Variants in MIPOL1 observed in about 807,000 individuals in gnomAD.
MIPOL1 encodes the protein mirror-image polydactyly 1.
In MIPOL1, 57 loss-of-function variants were observed where a neutral mutation model predicts 60.9. That is an observed-to-expected ratio of 0.94 (90% CI 0.76 to 1.17). The LOEUF is 1.17. MIPOL1 is among the 50% of genes most tolerant of loss of function. The pLI, the probability that MIPOL1 is intolerant of heterozygous loss-of-function variation, is 0.00. For missense variants in MIPOL1, 551 were observed against 511.6 expected, an observed-to-expected ratio of 1.08 and a Z score of -0.74; for synonymous variants, 179 against 168.8, an observed-to-expected ratio of 1.06 and a Z score of -0.47.
At chr14:37,309,854 T>A (rs1209643565) in intron 9 of MIPOL1, among the ~76,000 whole-genome samples, 1 of 152,006 alleles carries the variant, frequency 6.6e-6, no homozygotes, top group Non-Finnish European at 1.5e-5. Context: ...GCCCAGCTAA[T>A]TTTTTGGTAT....
At chr14:37,503,224 G>A (rs1326114827) in intron 12 of MIPOL1, 1 of 152,156 alleles carries the variant, frequency 6.6e-6, no homozygotes, top group African/African-American at 2.4e-5. Context: ...CCCCCACCTA[G>A]CAAGGCAGGC....
chr14:37,336,367 T>C (rs2090119391), intron 9 of MIPOL1, among the ~76,000 whole-genome samples: 1 of 149,404 alleles, frequency 6.7e-6, no homozygotes, highest in South Asian at 2.1e-4. Context: ...ATCATTCTCT[T>C]TTATTATTAT....
intron 10 of MIPOL1, among the ~76,000 whole-genome samples, chr14:37,395,878 C>T (rs761294006): frequency 2.6e-5 from 4 of 152,044 alleles, no homozygotes; most frequent in African/African-American, 9.7e-5. Flanking sequence ...TGCCTTTTTC[C>T]ACCCCTTTCC....
At chr14:37,201,078 AT>A (rs1965257951) in intron 1 of MIPOL1, among the ~76,000 whole-genome samples, 1 of 150,812 alleles carries the variant, frequency 6.6e-6, no homozygotes, top group Admixed American at 6.6e-5. Flanking sequence ...TAATTTTAAT[AT>A]TTTTTTGTGG....
chr14:37,332,476 A>G (rs946187205), intron 9 of MIPOL1, among the ~76,000 whole-genome samples: 3 of 152,134 alleles, frequency 2.0e-5, no homozygotes, highest in African/African-American at 7.2e-5. Context: ...CTAATAGCCT[A>G]CTGTTAACTG....
chr14:37,216,627 A>T (rs577673505), intron 1 of MIPOL1, among the ~76,000 whole-genome samples: 1 of 152,224 alleles, frequency 6.6e-6, no homozygotes, highest in East Asian at 1.9e-4. Flanking sequence ...TAATAACAAG[A>T]TGAATTTTGG....
intron 1 of MIPOL1, among the ~76,000 whole-genome samples, chr14:37,233,521 G>A (rs1320075794): frequency 6.6e-6 from 1 of 152,146 alleles, no homozygotes; most frequent in African/African-American, 2.4e-5. Context: ...AGAACTGAGG[G>A]TCCTAGGAAT....
At chr14:37,345,172 C>A (rs1261003797) in intron 9 of MIPOL1, among the ~76,000 whole-genome samples, 1 of 152,164 alleles carries the variant, frequency 6.6e-6, no homozygotes, top group Non-Finnish European at 1.5e-5. Context: ...GACTGGAGTG[C>A]AGCTCACTGC....
chr14:37,213,093 A>T (rs1174074111), intron 1 of MIPOL1, among the ~76,000 whole-genome samples: 1 of 152,170 alleles, frequency 6.6e-6, no homozygotes, highest in African/African-American at 2.4e-5. Context: ...CCTTCCCAAG[A>T]AGGACAGCTA....
At chr14:37,426,596 C>T (rs370828058) in intron 11 of MIPOL1, among the ~76,000 whole-genome samples, 143 of 46,558 alleles carry the variant, frequency 3.1e-3, no homozygotes, top group African/African-American at 6.9e-3. Flanking sequence ...TATATATATA[C>T]ACACACACAT....
At chr14:37,514,014 T>G (rs2095349864) in intron 12 of MIPOL1, among the ~76,000 whole-genome samples, 1 of 152,182 alleles carries the variant, frequency 6.6e-6, no homozygotes, top group Non-Finnish European at 1.5e-5. Context: ...TTTTTATTAT[T>G]TTAGGGAAAT....
chr14:37,348,136 G>A (rs1208318133), intron 9 of MIPOL1, among the ~76,000 whole-genome samples: 5 of 152,068 alleles, frequency 3.3e-5, no homozygotes, highest in African/African-American at 1.2e-4. Flanking sequence ...CCAATGTTTA[G>A]CCCCCTACTG....
intron 10 of MIPOL1, among the ~76,000 whole-genome samples, chr14:37,402,243 A>C (rs1331595285): frequency 6.6e-6 from 1 of 152,174 alleles, no homozygotes; most frequent in Admixed American, 6.6e-5. Context: ...ATTTATATTT[A>C]TTATTGAAAA....
At chr14:37,524,691 C>T (rs948773219) in intron 12 of MIPOL1, among the ~76,000 whole-genome samples, 5 of 151,122 alleles carry the variant, frequency 3.3e-5, no homozygotes, top group Admixed American at 1.3e-4. Flanking sequence ...CTCAGCCTCC[C>T]GAGTAGCTGG....
At chr14:37,409,699 T>C (rs1382765102) in intron 10 of MIPOL1, among the ~76,000 whole-genome samples, 1 of 152,188 alleles carries the variant, frequency 6.6e-6, no homozygotes, top group Non-Finnish European at 1.5e-5. Flanking sequence ...TGCAGGAGAA[T>C]GTCTTGAACC....
At position 37,551,038 on chromosome 14, in the gene MIPOL1, A is replaced by T. The variant is rs1308897550; in HGVS notation, c.*4067A>T. The T allele has an allele frequency of 6.6e-6, 1 of 152,174 alleles. No individual in the cohort carries two copies. The highest frequency in any genetic ancestry group is 1.5e-5 in the Non-Finnish European group (1 of 68,000). The allele number at this position is 152,174 out of a possible 1,614,324, so 9.4% of individuals were successfully genotyped here. Reference sequence around the variant, plus strand: ...TGATAAATGTGTATTTTTGAGAATCATTAAAATGTATACAATGATATTCCT... The same window carrying T: ...TGATAAATGTGTATTTTTGAGAATCTTTAAAATGTATACAATGATATTCCT... On this transcript the variant is annotated 3_prime_UTR_variant, in exon 13 of 13. Transcript: ENST00000684589.
At chr14:37,416,252 A>G (rs1296491217) in intron 10 of MIPOL1, among the ~76,000 whole-genome samples, 1 of 152,220 alleles carries the variant, frequency 6.6e-6, no homozygotes, top group East Asian at 1.9e-4. Flanking sequence ...CTCTTTTTAC[A>G]GGTGATCATT....
intron 12 of MIPOL1, among the ~76,000 whole-genome samples, chr14:37,514,040 C>T (rs547601222): frequency 5.9e-5 from 9 of 152,200 alleles, no homozygotes; most frequent in Admixed American, 2.0e-4. Flanking sequence ...AATCCACTTA[C>T]GATGATCATG....
At chr14:37,424,772 A>T (rs1163977536) in intron 11 of MIPOL1, among the ~76,000 whole-genome samples, 1 of 152,008 alleles carries the variant, frequency 6.6e-6, no homozygotes, top group Non-Finnish European at 1.5e-5. Context: ...CTACCAACCT[A>T]CTTTATTTTG....
Sources: gnomAD v4.1 joint callset for allele counts (sites outside exome capture counted in the v4.1 genomes callset) on GRCh38, gnomAD v4.1.1 for gene constraint, MANE v1.5 for transcripts, NCBI Gene and HGNC (gene_info 2026-07-23, HGNC 2026-07-21) for gene names.